The following WWOX variants were observed in gnomAD, a reference collection of about 807,000 sequenced individuals.
The protein encoded by WWOX is WW domain-containing oxidoreductase.
Under a neutral mutation model 46.2 loss-of-function variants are expected in WWOX, and 69 were observed. The ratio of observed to expected loss-of-function variants is 1.49; its 90% CI spans 1.23 to 1.82. The LOEUF (loss-of-function observed/expected upper bound fraction) is 1.82. WWOX is among the 40% of genes most tolerant of loss of function. WWOX has a pLI of 0.00. For missense variants in WWOX, 919 were observed against 542.6 expected, an observed-to-expected ratio of 1.69 and a Z score of -6.89; for synonymous variants, 359 against 202.6, an observed-to-expected ratio of 1.77 and a Z score of -6.56.
chr16:78,701,597 C>T (rs563819076), intron 8 of WWOX, among the ~76,000 whole-genome samples: 27 of 152,166 alleles, frequency 1.8e-4, no homozygotes, highest in African/African-American at 6.3e-4. Flanking sequence ...ATCTCCCTCT[C>T]CCTCCACCCA....
chr16:79,083,895 C>G (rs1321756113), intron 8 of WWOX, among the ~76,000 whole-genome samples: 2 of 152,190 alleles, frequency 1.3e-5, no homozygotes, highest in African/African-American at 4.8e-5. Flanking sequence ...ACTGACATTT[C>G]TTCATCTTCC....
intron 8 of WWOX, among the ~76,000 whole-genome samples, chr16:78,828,093 A>C (rs2051713212): frequency 6.6e-6 from 1 of 152,134 alleles, no homozygotes; most frequent in African/African-American, 2.4e-5. Context: ...TCAGGCTGTG[A>C]GGCCTTAATG....
intron 5 of WWOX, among the ~76,000 whole-genome samples, chr16:78,208,874 G>C (rs930404614): frequency 2.0e-5 from 3 of 152,018 alleles, no homozygotes; most frequent in African/African-American, 7.2e-5. Context: ...CTCCATCTCT[G>C]ACAATTAAAA....
rs193112033 is a variant in WWOX at position 79,083,692 on chromosome 16, G to A, written c.1057-127916G>A. ...CGGCACAGAGGGAATATACTGCTACGGTAAACCGATCACTAACACCCGGCC... is the reference window on the plus strand; with the variant it reads ...CGGCACAGAGGGAATATACTGCTACAGTAAACCGATCACTAACACCCGGCC... On this transcript the variant is annotated intron_variant, in intron 8 of 8. Transcript: ENST00000566780. Among the ~76,000 whole-genome samples the A allele has an allele frequency of 2.4e-3, 363 of 152,216 alleles. 2 individuals are homozygous for A. The highest frequency in any genetic ancestry group is 2.3e-3 in the Admixed American group (35 of 15,284).
intron 5 of WWOX, among the ~76,000 whole-genome samples, chr16:78,203,112 C>T (rs1001204278): frequency 2.6e-5 from 4 of 152,096 alleles, no homozygotes; most frequent in African/African-American, 7.2e-5. Flanking sequence ...AAGGGGAGGT[C>T]AAGTAAAGGC....
chr16:78,463,792 T>C (rs961817426), intron 8 of WWOX, among the ~76,000 whole-genome samples: 1 of 152,222 alleles, frequency 6.6e-6, no homozygotes, highest in African/African-American at 2.4e-5. Context: ...TATGATCAAG[T>C]AAAGAGTTTA....
chr16:78,681,411 CA>C (rs1297208526), intron 8 of WWOX, among the ~76,000 whole-genome samples: 1 of 151,966 alleles, frequency 6.6e-6, no homozygotes, highest in African/African-American at 2.4e-5. Flanking sequence ...CTCAAAAAAC[CA>C]AAACAAAGGT....
At chr16:78,162,407 C>G (rs1219094778) in intron 4 of WWOX, among the ~76,000 whole-genome samples, 1 of 151,998 alleles carries the variant, frequency 6.6e-6, no homozygotes, top group African/African-American at 2.4e-5. Context: ...TGTATCTACA[C>G]ACACATACAC....
chr16:78,565,934 T>A (rs536616908), intron 8 of WWOX, among the ~76,000 whole-genome samples: 1 of 124,806 alleles, frequency 8.0e-6, no homozygotes, highest in Non-Finnish European at 1.6e-5. Flanking sequence ...TGGGCAGATA[T>A]TCATACAATG....
At chr16:78,201,754 C>T (rs960167263) in intron 5 of WWOX, among the ~76,000 whole-genome samples, 1 of 151,874 alleles carries the variant, frequency 6.6e-6, no homozygotes, top group Non-Finnish European at 1.5e-5. Context: ...GTCTGGAGTG[C>T]AGTGGTGTGA....
At position 79,212,253 on chromosome 16, in the gene WWOX, ATAATTGTTTCAT is replaced by A; in HGVS notation, c.*459_*470del. 7.6e-7 allele frequency: 1 copy of A among 1,323,954 alleles called. No homozygotes were observed. 82.0% of individuals were successfully genotyped at this position (1,323,954 alleles called of 1,614,324 possible). The stretch of plus-strand genomic sequence containing the variant: ...GCTCCTTGCTGCATTGATCCAGGAG[ATAATTGTTTCAT>A]TCATCCTGACCAAGACTGAGCCAGC... On this transcript the variant is annotated 3_prime_UTR_variant, in exon 9 of 9. Transcript: ENST00000566780.
At chr16:78,720,572 C>A (rs775531163) in intron 8 of WWOX, among the ~76,000 whole-genome samples, 1 of 151,610 alleles carries the variant, frequency 6.6e-6, no homozygotes, top group Non-Finnish European at 1.5e-5. Context: ...AGAGACAGAG[C>A]CAGATGTTCA....
chr16:78,786,285 C>T (rs751158744), intron 8 of WWOX, among the ~76,000 whole-genome samples: 7 of 152,212 alleles, frequency 4.6e-5, no homozygotes, highest in East Asian at 1.9e-4. Flanking sequence ...GGATTTGTAG[C>T]GAATGTCTAT....
chr16:78,785,451 A>G (rs572440405), intron 8 of WWOX, among the ~76,000 whole-genome samples: 3 of 152,328 alleles, frequency 2.0e-5, no homozygotes, highest in Admixed American at 6.5e-5. Flanking sequence ...ATGATTAACA[A>G]CTGGCTCTCT....
At chr16:79,143,887 G>C (rs946425540) in intron 8 of WWOX, among the ~76,000 whole-genome samples, 4 of 152,090 alleles carry the variant, frequency 2.6e-5, no homozygotes, top group African/African-American at 7.2e-5. Flanking sequence ...CCCACCCATA[G>C]TCATGAAAAT....
At chr16:79,081,003 C>T (rs976790931) in intron 8 of WWOX, among the ~76,000 whole-genome samples, 1 of 152,140 alleles carries the variant, frequency 6.6e-6, no homozygotes, top group African/African-American at 2.4e-5. Context: ...CACACACGCA[C>T]ATGCACACCC....
intron 8 of WWOX, among the ~76,000 whole-genome samples, chr16:78,859,306 C>T (rs1022236165): frequency 1.3e-5 from 2 of 151,712 alleles, no homozygotes; most frequent in African/African-American, 4.8e-5. Context: ...TTTTTCCCCC[C>T]TGCTGAATTC....
chr16:79,174,773 G>C (rs2050768060), intron 8 of WWOX, among the ~76,000 whole-genome samples: 2 of 152,172 alleles, frequency 1.3e-5, no homozygotes, highest in African/African-American at 4.8e-5. Context: ...GTTAATTTTA[G>C]AAGCTAATAA....
intron 8 of WWOX, among the ~76,000 whole-genome samples, chr16:78,613,902 T>C (rs553283884): frequency 1.3e-5 from 2 of 152,368 alleles, no homozygotes; most frequent in East Asian, 3.9e-4. Flanking sequence ...AAATCTGGCC[T>C]GTTTTTGTAA....
Sources: gnomAD v4.1 joint callset for allele counts (sites outside exome capture counted in the v4.1 genomes callset) on GRCh38, gnomAD v4.1.1 for gene constraint, MANE v1.5 for transcripts, NCBI Gene and HGNC (gene_info 2026-07-23, HGNC 2026-07-21) for gene names.